Variants in STAT4 observed in about 807,000 individuals in gnomAD.
STAT4 encodes signal transducer and activator of transcription 4.
In STAT4, 42 loss-of-function variants were observed where a neutral mutation model predicts 110.5. The observed-to-expected ratio is 0.38, with a 90% CI of 0.30 to 0.49. The LOEUF is 0.49. Among genes scored for constraint, STAT4 ranks in the 20% least tolerant of loss-of-function variants. The pLI, the probability that STAT4 is intolerant of heterozygous loss-of-function variation, is 0.95. For missense variants in STAT4, 632 were observed against 887.9 expected (o/e 0.71, Z 3.66); for synonymous variants, 284 against 302.2 (o/e 0.94, Z 0.63).
Position 191,083,890 on chromosome 2 carries a change from T to C in STAT4, c.274-7565A>G, listed in dbSNP as rs1034252258. ...TGAAAAAAAGACAGTTTTAAAATTA[T>C]TGCTAAAATAAAACAGCAATGTCTT... On this transcript the variant is annotated intron_variant, in intron 3 of 23. Transcript: ENST00000392320. The surrounding 1 kb of genome is among the most constrained non-coding windows in gnomAD (Gnocchi z 4.6). 3.7e-4 allele frequency among the ~76,000 whole-genome samples: 56 copies of C among 152,182 alleles called. No homozygotes were observed. Among genetic ancestry groups the C allele is most frequent in the African/African-American group, 1.4e-3 (56 of 41,450 alleles).
rs1236935776 is a variant in STAT4, at chr2:191,082,773, G to A, written c.274-6448C>T. On this transcript the variant is annotated intron_variant, in intron 3 of 23. Transcript: ENST00000392320. The surrounding 1 kb of genome is among the most constrained non-coding windows in gnomAD (Gnocchi z 4.7). ...AATGGTCCAAGAAGTTCCAGAGTCA[G>A]AAGTAATAGATGTGAGAAGCCCTGT... Among the ~76,000 whole-genome samples the A allele has an allele frequency of 1.3e-5, 2 of 152,160 alleles. No individual in the cohort carries two copies. The highest frequency in any genetic ancestry group is 4.8e-5 in the African/African-American group (2 of 41,438).
rs955141083 is a variant in STAT4, at chr2:191,087,370, C to A, written c.274-11045G>T. ...CTAAAGGAAATTAAAATATTTTACT[C>A]CCAAATATATTTCTTTGATGTGTTT... On this transcript the variant is annotated intron_variant, in intron 3 of 23. Transcript: ENST00000392320. 3.3e-5 allele frequency among the ~76,000 whole-genome samples: 5 copies of A among 152,188 alleles called. 1 individual carries two copies. Among genetic ancestry groups the A allele is most frequent in the Admixed American group, 3.3e-4 (5 of 15,278 alleles).
chr2:191,134,463 T>G (rs1382600849), intron 3 of STAT4, among the ~76,000 whole-genome samples: 3 of 152,164 alleles, frequency 2.0e-5, no homozygotes, highest in Non-Finnish European at 4.4e-5. Context: ...GTCAGCCCAC[T>G]GCTGCCACCC....
chr2:191,072,776 A>G (rs1470873674), intron 5 of STAT4, among the ~76,000 whole-genome samples: 1 of 152,222 alleles, frequency 6.6e-6, no homozygotes, highest in Non-Finnish European at 1.5e-5. Flanking sequence ...TCAAATGACA[A>G]TAAACATTAT....
At chr2:191,120,550 A>G (rs1453660524) in intron 3 of STAT4, among the ~76,000 whole-genome samples, 1 of 152,194 alleles carries the variant, frequency 6.6e-6, no homozygotes, top group African/African-American at 2.4e-5. Flanking sequence ...TTCAAGAGGT[A>G]CTTTAAAAAA....
Position 191,030,469 on chromosome 2 carries a change from C to T in STAT4, c.2220+503G>A, listed in dbSNP as rs1294410520. ...CATTATTATGCCATTGACTGTTATT[C>T]ATATATTATTGATGAGGCTCCGGGT... On this transcript the variant is annotated intron_variant, in intron 23 of 23. Coordinates refer to ENST00000392320, the MANE Select transcript of STAT4 (RefSeq NM_003151.4). The surrounding 1 kb of genome is among the most constrained non-coding windows in gnomAD (Gnocchi z 4.4). Among the ~76,000 whole-genome samples, 1 of 152,108 alleles carries T rather than the reference C, an allele frequency of 6.6e-6. No homozygotes were observed. Among genetic ancestry groups the T allele is most frequent in the East Asian group, 1.9e-4 (1 of 5,196 alleles).
chr2:191,145,644 G>C (rs902380922), intron 3 of STAT4, among the ~76,000 whole-genome samples: 10 of 152,126 alleles, frequency 6.6e-5, no homozygotes, highest in Non-Finnish European at 1.0e-4. Flanking sequence ...ACAACAATAG[G>C]AAAAACAATA....
chr2:191,112,323 G>A lies in STAT4; in HGVS notation c.273+34290C>T, dbSNP rs954069603. Among the ~76,000 whole-genome samples the A allele has an allele frequency of 5.9e-5, 9 of 152,134 alleles. No homozygotes were observed. Among genetic ancestry groups the A allele is most frequent in the Admixed American group, 2.6e-4 (4 of 15,276 alleles). On this transcript the variant is annotated intron_variant, in intron 3 of 23. Coordinates refer to ENST00000392320, the MANE Select transcript of STAT4 (RefSeq NM_003151.4). The surrounding 1 kb of genome is among the most constrained non-coding windows in gnomAD (Gnocchi z 4.3). ...TAGCTATGTGACCTTGGGCAACAGC[G>A]TGACCTTTCCAAGCCTCAGTTCCCT...
At chr2:191,088,007 C>T (rs1000734794) in intron 3 of STAT4, among the ~76,000 whole-genome samples, 1 of 152,140 alleles carries the variant, frequency 6.6e-6, no homozygotes, top group Non-Finnish European at 1.5e-5. Context: ...CTCACCACTC[C>T]TATTCAGCAT....
At chr2:191,075,851 T>G (rs1574132843) in intron 4 of STAT4, among the ~76,000 whole-genome samples, 1 of 149,536 alleles carries the variant, frequency 6.7e-6, no homozygotes. Flanking sequence ...TTTTTTTTTT[T>G]TTTTTGTTTT....
chr2:191,071,982 T>TC (rs1159969720), intron 5 of STAT4, among the ~76,000 whole-genome samples: 1 of 152,058 alleles, frequency 6.6e-6, no homozygotes, highest in African/African-American at 2.4e-5. Flanking sequence ...CGGGCCTCTC[T>TC]CCCCACAACC....
intron 7 of STAT4, among the ~76,000 whole-genome samples, chr2:191,065,590 T>A (rs1255529762): frequency 6.6e-6 from 1 of 152,206 alleles, no homozygotes. Flanking sequence ...ATGTTATTCC[T>A]AAAGTAGAAT....
chr2:191,066,538 T>C lies in STAT4; in HGVS notation c.545-23A>G, dbSNP rs1198745223. 6.2e-7 allele frequency: 1 copy of C among 1,602,928 alleles called. No homozygotes were observed. Among genetic ancestry groups the C allele is most frequent in the African/African-American group, 1.3e-5 (1 of 74,638 alleles). The stretch of plus-strand genomic sequence containing the variant: ...GATCTGCAAAGGTAAAGAGATCAGA[T>C]TTAGAGTTCTCTCTATTCCTGAAAG... On this transcript the variant is annotated intron_variant, in intron 6 of 23. Transcript: ENST00000392320. This position sits in a 1 kb window ranked among gnomAD's most constrained non-coding sequence, Gnocchi z 4.3.
chr2:191,050,516 A>G lies in STAT4; in HGVS notation c.1251+3974T>C, dbSNP rs796093834. 1.3e-5 allele frequency among the ~76,000 whole-genome samples: 2 copies of G among 152,114 alleles called. No individual in the cohort carries two copies. The highest frequency in any genetic ancestry group is 2.1e-4 in the South Asian group (1 of 4,824). ...TTTAAAAATCTAAAGCTCCTACCCT[A>G]TGTTGCACTTCTGAGGATTAAAGAA... On this transcript the variant is annotated intron_variant, in intron 14 of 23. Transcript: ENST00000392320. This position sits in a 1 kb window ranked among gnomAD's most constrained non-coding sequence, Gnocchi z 4.3.
chr2:191,126,852 C>T (rs1698894602), intron 3 of STAT4, among the ~76,000 whole-genome samples: 1 of 152,190 alleles, frequency 6.6e-6, no homozygotes, highest in Admixed American at 6.5e-5. Flanking sequence ...GACATTCTGG[C>T]TCTGTCATCC....
chr2:191,056,887 A>G (rs1223133803), intron 13 of STAT4, among the ~76,000 whole-genome samples: 1 of 147,264 alleles, frequency 6.8e-6, no homozygotes, highest in African/African-American at 2.5e-5. Context: ...GGTTCAAGCG[A>G]TTCTCCTCCC....
chr2:191,083,757 G>A lies in STAT4; in HGVS notation c.274-7432C>T, dbSNP rs1291469977. 2.6e-5 allele frequency among the ~76,000 whole-genome samples: 4 copies of A among 151,662 alleles called. No individual in the cohort carries two copies. Among genetic ancestry groups the A allele is most frequent in the Admixed American group, 2.0e-4 (3 of 15,194 alleles). ...TGAGTCATTTTTATCTTTATTCCTCGCCAATGTCAAACACACTGGCCTGTG... is the reference window on the plus strand; with the variant it reads ...TGAGTCATTTTTATCTTTATTCCTCACCAATGTCAAACACACTGGCCTGTG... On this transcript the variant is annotated intron_variant, in intron 3 of 23. Coordinates refer to ENST00000392320, the MANE Select transcript of STAT4 (RefSeq NM_003151.4). This position sits in a 1 kb window ranked among gnomAD's most constrained non-coding sequence, Gnocchi z 4.6.
At position 191,033,226 on chromosome 2, in the gene STAT4, A is replaced by T; in HGVS notation, c.1853-77T>A. On this transcript the variant is annotated intron_variant, in intron 20 of 23. Transcript: ENST00000392320. The surrounding 1 kb of genome is among the most constrained non-coding windows in gnomAD (Gnocchi z 6.9). ...TGACCATTTCTTCCCTGCCCACATT[A>T]TCTTCATGCCACTGGAGTGACTTGT... 1 of 1,434,796 alleles carries T rather than the reference A, an allele frequency of 7.0e-7. No individual in the cohort carries two copies. The highest frequency in any genetic ancestry group is 9.5e-7 in the Non-Finnish European group (1 of 1,052,242). The allele number at this position is 1,434,796 out of a possible 1,614,324, so 88.9% of individuals were successfully genotyped here.
intron 3 of STAT4, among the ~76,000 whole-genome samples, chr2:191,114,631 T>C (rs1159217062): frequency 6.6e-6 from 1 of 152,176 alleles, no homozygotes; most frequent in East Asian, 1.9e-4. Flanking sequence ...GACAACACCA[T>C]CATGACACCT....
Sources: allele counts gnomAD v4.1 joint callset (sites outside exome capture counted in the v4.1 genomes callset), GRCh38; gene constraint gnomAD v4.1.1; non-coding constraint Gnocchi (gnomAD v3.1); transcripts MANE v1.5; gene names NCBI Gene and HGNC (gene_info 2026-07-23, HGNC 2026-07-21).